Variants in DLGAP1 observed in about 807,000 individuals in gnomAD.
DLGAP1 encodes the protein DLG associated protein 1.
DLGAP1 carries 11 observed loss-of-function variants against 90.8 expected under a neutral mutation model. The ratio of observed to expected loss-of-function variants is 0.12; its 90% CI spans 0.08 to 0.20. The LOEUF is 0.20. DLGAP1 is among the 10% of genes least tolerant of loss of function. The pLI is 1.00. For synonymous variants in DLGAP1, 558 were observed against 540.7 expected (o/e 1.03, Z -0.44); for missense variants, 1,050 against 1,333.8 (o/e 0.79, Z 3.31).
At chr18:4,045,906 C>G (rs545137941) in intron 2 of DLGAP1, among the ~76,000 whole-genome samples, 9 of 151,306 alleles carry the variant, frequency 5.9e-5, no homozygotes, top group African/African-American at 2.2e-4. Flanking sequence ...TCCCAAAGTG[C>G]TGGGGTTATA....
intron 1 of DLGAP1, among the ~76,000 whole-genome samples, chr18:4,453,810 C>A (rs1555621351): frequency 6.6e-6 from 1 of 152,200 alleles, no homozygotes; most frequent in Non-Finnish European, 1.5e-5. Context: ...TCACCTCCCA[C>A]GACCGGGAGT....
intron 5 of DLGAP1, among the ~76,000 whole-genome samples, chr18:3,779,708 C>T (rs2148110825): frequency 6.6e-6 from 1 of 151,980 alleles, no homozygotes; most frequent in African/African-American, 2.4e-5. Context: ...AAGGAAGCTG[C>T]CTCTTCATCT....
At chr18:3,927,677 T>C (rs1184564915) in intron 3 of DLGAP1, among the ~76,000 whole-genome samples, 1 of 152,224 alleles carries the variant, frequency 6.6e-6, no homozygotes, top group African/African-American at 2.4e-5. Context: ...GAAGTCATGT[T>C]TGAATTATTC....
intron 2 of DLGAP1, among the ~76,000 whole-genome samples, chr18:4,048,365 G>T (rs1467473273): frequency 2.6e-5 from 4 of 152,094 alleles, no homozygotes; most frequent in African/African-American, 9.7e-5. Context: ...TTCAAATTTT[G>T]CCTTTTATCC....
chr18:4,397,719 A>G (rs2082469703), intron 1 of DLGAP1, among the ~76,000 whole-genome samples: 1 of 152,144 alleles, frequency 6.6e-6, no homozygotes, highest in Non-Finnish European at 1.5e-5. Context: ...TTATGTTTTT[A>G]GTTGATAAAA....
At chr18:4,091,626 T>C (rs1209707516) in intron 2 of DLGAP1, among the ~76,000 whole-genome samples, 1 of 152,248 alleles carries the variant, frequency 6.6e-6, no homozygotes, top group Non-Finnish European at 1.5e-5. Flanking sequence ...TCATTGATTC[T>C]TTCCACGACT....
At chr18:4,393,478 C>A (rs2082378655) in intron 1 of DLGAP1, among the ~76,000 whole-genome samples, 1 of 152,182 alleles carries the variant, frequency 6.6e-6, no homozygotes, top group Non-Finnish European at 1.5e-5. Context: ...ACATTTGGGT[C>A]CCATGTCAAA....
In DLGAP1 at chr18:4,143,567, C is replaced by T. The variant is rs192904461; in HGVS notation, c.-159+7613G>A. 1.4e-4 allele frequency among the ~76,000 whole-genome samples: 22 copies of T among 152,002 alleles called. No homozygotes were observed. In the East Asian group the frequency reaches 3.9e-3, roughly 27 times the overall value. ...CAGAAATGCCAGTCAAGAGACAAGG[C>T]CTGGTACTGGGTACCCCAAGCCTGC... On this transcript the variant is annotated intron_variant, in intron 2 of 12. Coordinates refer to ENST00000315677, the MANE Select transcript of DLGAP1 (RefSeq NM_004746.4).
intron 7 of DLGAP1, among the ~76,000 whole-genome samples, chr18:3,707,790 T>A (rs1196344158): frequency 1.3e-5 from 2 of 152,094 alleles, no homozygotes; most frequent in Non-Finnish European, 2.9e-5. Flanking sequence ...GAAAGGGGCT[T>A]CTTGGAGCTC....
intron 1 of DLGAP1, among the ~76,000 whole-genome samples, chr18:4,158,812 A>C (rs2076798882): frequency 6.6e-6 from 1 of 152,204 alleles, no homozygotes; most frequent in South Asian, 2.1e-4. Context: ...GTGATAAAAG[A>C]AATTTAGTCT....
intron 1 of DLGAP1, among the ~76,000 whole-genome samples, chr18:4,271,155 T>C (rs2145355856): frequency 6.6e-6 from 1 of 152,232 alleles, no homozygotes; most frequent in Admixed American, 6.5e-5. Context: ...CTAGAATCAT[T>C]TGGGGAAGTT....
intron 1 of DLGAP1, among the ~76,000 whole-genome samples, chr18:4,219,027 G>GTTTTTTTTTTT (rs34333673): frequency 3.2e-4 from 29 of 91,952 alleles, no homozygotes; most frequent in Non-Finnish European, 4.2e-4. Flanking sequence ...TTCTATCTTT[G>GTTTTTTTTTTT]TTTTTTTTTT....
intron 2 of DLGAP1, among the ~76,000 whole-genome samples, chr18:4,024,632 T>C (rs1030863791): frequency 2.6e-5 from 4 of 152,206 alleles, no homozygotes; most frequent in African/African-American, 9.7e-5. Flanking sequence ...AATTCTTTTA[T>C]GTACCCAGAA....
intron 3 of DLGAP1, among the ~76,000 whole-genome samples, chr18:3,950,269 A>T (rs973829117): frequency 6.6e-6 from 1 of 152,208 alleles, no homozygotes; most frequent in Non-Finnish European, 1.5e-5. Flanking sequence ...AGTAAGGAAT[A>T]TGTTCACACA....
chr18:3,897,979 A>G (rs959645783), intron 3 of DLGAP1, among the ~76,000 whole-genome samples: 4 of 151,330 alleles, frequency 2.6e-5, no homozygotes, highest in Non-Finnish European at 5.9e-5. Context: ...TATTTTTAGT[A>G]GAGACGGGGT....
At chr18:4,148,124 C>T (rs2076616533) in intron 2 of DLGAP1, among the ~76,000 whole-genome samples, 1 of 151,888 alleles carries the variant, frequency 6.6e-6, no homozygotes, top group African/African-American at 2.4e-5. Flanking sequence ...TGCTAAAAGC[C>T]TAAAAGGAAA....
chr18:3,627,537 G>A (rs1294912108), intron 7 of DLGAP1, among the ~76,000 whole-genome samples: 1 of 152,116 alleles, frequency 6.6e-6, no homozygotes, highest in Non-Finnish European at 1.5e-5. Flanking sequence ...CTTCTCTAAT[G>A]GGTGGGCGTA....
intron 6 of DLGAP1, 87 bp downstream of exon 6, chr18:3,742,248 C>T: frequency 2.0e-6 from 3 of 1,483,808 alleles, no homozygotes; most frequent in African/African-American, 1.4e-5. Context: ...GGATGAATGA[C>T]TGCCTCCCCA....
intron 12 of DLGAP1, among the ~76,000 whole-genome samples, chr18:3,501,151 C>G (rs966471384): frequency 4.0e-5 from 6 of 151,382 alleles, no homozygotes; most frequent in African/African-American, 1.5e-4. Flanking sequence ...CTCCTGGACT[C>G]AAGTGATCCA....
Sources: gnomAD v4.1 joint callset for allele counts (sites outside exome capture counted in the v4.1 genomes callset) on GRCh38, gnomAD v4.1.1 for gene constraint, MANE v1.5 for transcripts, NCBI Gene and HGNC (gene_info 2026-07-23, HGNC 2026-07-21) for gene names.